SLC35F3: variants seen among roughly 807,000 people sequenced by gnomAD.
The protein encoded by SLC35F3 is solute carrier family 35 member F3, also known as putative thiamine transporter SLC35F3.
A neutral mutation model predicts 49.9 loss-of-function variants in SLC35F3; 25 were observed. That is an observed-to-expected ratio of 0.50 (90% CI 0.37 to 0.70). The LOEUF (loss-of-function observed/expected upper bound fraction) is 0.70. Ranked by LOEUF, SLC35F3 falls within the 30% of genes least tolerant of loss-of-function variation. The probability of loss-of-function intolerance (pLI) is 0.00; values close to 1 mark genes in which losing one functional copy is unlikely to be tolerated. For missense variants in SLC35F3, 525 were observed against 639.8 expected (o/e 0.82, Z 1.94); for synonymous variants, 275 against 265.4 (o/e 1.04, Z -0.35).
In SLC35F3 at chr1:234,143,278, C is replaced by CTTT. The variant is rs1394286794; in HGVS notation, c.284-88137_284-88135dup. ...CTGCTTCTATGAGTTTGACTCTTTT[C>CTTT]TTTTCTTTTCTTTTTTTTTTTTTTT... On this transcript the variant is annotated intron_variant, in intron 2 of 7. Transcript: ENST00000366618. 3.8e-4 allele frequency among the ~76,000 whole-genome samples: 49 copies of CTTT among 127,452 alleles called. 2 individuals carry two copies. The highest frequency in any genetic ancestry group is 1.5e-3 in the African/African-American group (45 of 30,984). 83.6% of individuals were successfully genotyped at this position (127,452 alleles called of 152,430 possible). A position where few individuals can be genotyped will look rare whatever the true frequency, so the allele number is the denominator to read the frequency against.
intron 2 of SLC35F3, among the ~76,000 whole-genome samples, chr1:234,218,280 C>A (rs1667152565): frequency 6.6e-6 from 1 of 152,082 alleles, no homozygotes; most frequent in Non-Finnish European, 1.5e-5. Flanking sequence ...GAGAACAGTA[C>A]AATGAATTCC....
In SLC35F3 at chr1:234,086,773, T is replaced by A. The variant is rs1572046663; in HGVS notation, c.284-144644T>A. 2.6e-5 allele frequency among the ~76,000 whole-genome samples: 4 copies of A among 152,306 alleles called. No homozygotes were observed. In the East Asian group the frequency reaches 7.7e-4, roughly 29 times the overall value. Reference sequence around the variant, plus strand: ...GCATGACAGTTCAGGAGGATGATGATGTTTTAGAAGCATCCACTTGGAGAT... The same window carrying A: ...GCATGACAGTTCAGGAGGATGATGAAGTTTTAGAAGCATCCACTTGGAGAT... On this transcript the variant is annotated intron_variant, in intron 2 of 7. Coordinates refer to ENST00000366618, the MANE Select transcript of SLC35F3 (RefSeq NM_173508.4).
intron 2 of SLC35F3, among the ~76,000 whole-genome samples, chr1:233,911,228 C>T (rs1558175757): frequency 6.6e-6 from 1 of 152,084 alleles, no homozygotes; most frequent in Non-Finnish European, 1.5e-5. Context: ...GGAACAGTGA[C>T]TTATAGTATC....
chr1:233,971,653 G>A (rs1009685892), intron 2 of SLC35F3, among the ~76,000 whole-genome samples: 2 of 148,348 alleles, frequency 1.3e-5, no homozygotes, highest in South Asian at 4.2e-4. Context: ...GGGAGGTGGA[G>A]ATTGCAGTGA....
intron 2 of SLC35F3, chr1:234,212,951 A>G (rs994909473): frequency 1.3e-5 from 2 of 152,244 alleles, no homozygotes; most frequent in African/African-American, 2.4e-5. Context: ...CAGGGACCCT[A>G]TATACCTTTT....
intron 2 of SLC35F3, among the ~76,000 whole-genome samples, chr1:234,128,610 A>AG (rs1159699671): frequency 6.6e-6 from 1 of 152,184 alleles, no homozygotes; most frequent in African/African-American, 2.4e-5. Flanking sequence ...ATGCATGAAG[A>AG]GGGGATGATA....
chr1:234,201,060 A>G (rs527251639), intron 2 of SLC35F3, among the ~76,000 whole-genome samples: 1 of 152,296 alleles, frequency 6.6e-6, no homozygotes, highest in African/African-American at 2.4e-5. Flanking sequence ...ACAGTATATC[A>G]TCTCTAGCCA....
chr1:234,191,739 A>T (rs1348685466), intron 2 of SLC35F3, among the ~76,000 whole-genome samples: 1 of 152,200 alleles, frequency 6.6e-6, no homozygotes, highest in Non-Finnish European at 1.5e-5. Flanking sequence ...AGAAGATCCA[A>T]ATAAGCACAG....
chr1:233,963,689 A>G (rs1368106154), intron 2 of SLC35F3, among the ~76,000 whole-genome samples: 1 of 152,188 alleles, frequency 6.6e-6, no homozygotes. Flanking sequence ...TCCACAGGCA[A>G]ACACAGAAGC....
At chr1:234,052,114 G>A (rs569319663) in intron 2 of SLC35F3, among the ~76,000 whole-genome samples, 1 of 152,250 alleles carries the variant, frequency 6.6e-6, no homozygotes, top group South Asian at 2.1e-4. Context: ...TTTTTGTTGT[G>A]TCTCTGCCAG....
chr1:234,153,657 T>C (rs1299221578), intron 2 of SLC35F3, among the ~76,000 whole-genome samples: 1 of 152,162 alleles, frequency 6.6e-6, no homozygotes, highest in Non-Finnish European at 1.5e-5. Context: ...CTGGGCACAA[T>C]GGCTCACACC....
At chr1:234,219,238 C>A (rs1427013716) in intron 2 of SLC35F3, among the ~76,000 whole-genome samples, 1 of 152,026 alleles carries the variant, frequency 6.6e-6, no homozygotes, top group African/African-American at 2.4e-5. Flanking sequence ...TTCCTGTCAA[C>A]AGGATAAGAC....
At chr1:234,264,474 G>C (rs1206549166) in intron 3 of SLC35F3, among the ~76,000 whole-genome samples, 1 of 152,216 alleles carries the variant, frequency 6.6e-6, no homozygotes, top group Non-Finnish European at 1.5e-5. Context: ...CTATGGATGA[G>C]CTCTTATCAG....
chr1:234,154,596 G>C (rs1666123884), intron 2 of SLC35F3, among the ~76,000 whole-genome samples: 1 of 152,244 alleles, frequency 6.6e-6, no homozygotes, highest in Non-Finnish European at 1.5e-5. Flanking sequence ...GGTCAGGCAG[G>C]GGAGCACAAA....
intron 2 of SLC35F3, among the ~76,000 whole-genome samples, chr1:233,980,396 C>T (rs976579895): frequency 3.3e-5 from 5 of 152,172 alleles, no homozygotes; most frequent in South Asian, 2.1e-4. Flanking sequence ...TTAGTGCCCA[C>T]CTGGGACTTG....
intron 2 of SLC35F3, among the ~76,000 whole-genome samples, chr1:233,992,488 C>T (rs1213737796): frequency 6.6e-6 from 1 of 152,176 alleles, no homozygotes; most frequent in Non-Finnish European, 1.5e-5. Context: ...TGTCCTGGCT[C>T]TGTAACAACC....
At chr1:234,063,808 A>T (rs1233666926) in intron 2 of SLC35F3, among the ~76,000 whole-genome samples, 1 of 152,206 alleles carries the variant, frequency 6.6e-6, no homozygotes, top group Non-Finnish European at 1.5e-5. Context: ...CAATCCCAGC[A>T]TGGAGGACTA....
At chr1:233,980,801 G>T (rs1465457988) in intron 2 of SLC35F3, among the ~76,000 whole-genome samples, 2 of 152,184 alleles carry the variant, frequency 1.3e-5, no homozygotes, top group Non-Finnish European at 2.9e-5. Context: ...ATAATTGATA[G>T]TAATCATTAC....
chr1:234,099,628 C>CA (rs1226228682), intron 2 of SLC35F3, among the ~76,000 whole-genome samples: 3 of 120,660 alleles, frequency 2.5e-5, no homozygotes, highest in South Asian at 2.7e-4. Flanking sequence ...AAAAAAAAAA[C>CA]AAAAAAAAGA....
Sources: gnomAD v4.1 joint callset for allele counts (sites outside exome capture counted in the v4.1 genomes callset) on GRCh38, gnomAD v4.1.1 for gene constraint, MANE v1.5 for transcripts, NCBI Gene and HGNC (gene_info 2026-07-23, HGNC 2026-07-21) for gene names.